The following CACFD1 variants were observed in gnomAD, a reference collection of about 807,000 sequenced individuals.
CACFD1 encodes calcium channel flower domain containing 1.
In CACFD1, 26 loss-of-function variants were observed where a neutral mutation model predicts 21.3. The ratio of observed to expected loss-of-function variants is 1.22; its 90% confidence interval spans 0.89 to 1.69. CACFD1 has a LOEUF of 1.69. Ranked by LOEUF, CACFD1 falls within the 40% of genes most tolerant of loss-of-function variation. The probability of loss-of-function intolerance (pLI) is 0.00; values close to 1 mark genes in which losing one functional copy is unlikely to be tolerated. For missense variants in CACFD1, 265 were observed against 236.2 expected, an observed-to-expected ratio of 1.12 and a Z score of -0.80; for synonymous variants, 121 against 106.6, an observed-to-expected ratio of 1.13 and a Z score of -0.83.
At chr9:133,460,459 A>AGGGCGGGGGGGCGGGGGGGCGGCGG (rs1410426460) in intron 1 of CACFD1, among the ~76,000 whole-genome samples, 2 of 69,824 alleles carry the variant, frequency 2.9e-5, no homozygotes, top group South Asian at 4.5e-4. Flanking sequence ...CAGAAACCCC[A>AGGGCGGGGGGGCGGGGGGGCGGCGG]GGGCGGGGGG....
intron 2 of CACFD1, among the ~76,000 whole-genome samples, chr9:133,464,542 C>T (rs915056156): frequency 6.6e-6 from 1 of 152,032 alleles, no homozygotes; most frequent in Non-Finnish European, 1.5e-5. Flanking sequence ...CTTAGGTGTC[C>T]TGAGCCTGCA....
chr9:133,460,877 C>T (rs1035974119), intron 1 of CACFD1, among the ~76,000 whole-genome samples: 2 of 152,200 alleles, frequency 1.3e-5, no homozygotes, highest in Non-Finnish European at 2.9e-5. Flanking sequence ...TCCTCCCCTT[C>T]TCCGCACGCA....
intron 3 of CACFD1, among the ~76,000 whole-genome samples, chr9:133,467,181 C>T (rs1216261285): frequency 6.6e-6 from 1 of 152,236 alleles, no homozygotes; most frequent in African/African-American, 2.4e-5. Flanking sequence ...GGCGACAGGA[C>T]AGAGCGCTGG....
rs916705557 is a variant in CACFD1, at chr9:133,469,213, C to G, written c.*560C>G. 1 of 153,408 alleles carries G rather than the reference C, an allele frequency of 6.5e-6. No individual in the cohort carries two copies. The highest frequency in any genetic ancestry group is 2.4e-5 in the African/African-American group (1 of 41,476). The allele number at this position is 153,408 out of a possible 1,614,324, so 9.5% of individuals were successfully genotyped here. On this transcript the variant is annotated 3_prime_UTR_variant, in exon 5 of 5. Transcript: ENST00000316948. ...GCACCCCGGTACCTGGAACTGCAGC[C>G]TTGGCAGTGACTGGACAGCTGGGTG... is the stretch of plus-strand genomic sequence containing the variant.
Position 133,465,418 on chromosome 9 carries a change from C to T in CACFD1, c.291C>T (p.Arg97=), listed in dbSNP as rs1843397203. The change falls in exon 3 of 5, where the codon CGC becomes CGT. Residue 97 remains arginine, a synonymous_variant. Transcript: ENST00000316948. This position sits in a 1 kb window ranked among gnomAD's most constrained non-coding sequence, Gnocchi z 5.0. ...TGGCGGAGAAGGTGGACCGGCTGCG[C>T]TCCTGGCAGAAGGCTGTCTTCTACT... is the stretch of plus-strand genomic sequence containing the variant. The part of the protein sequence containing the change: ...NTVAEKVDRL[R]SWQKAVFYCG... 1 of 1,613,392 alleles carries T rather than the reference C, an allele frequency of 6.2e-7. No homozygotes were observed. Among genetic ancestry groups the T allele is most frequent in the South Asian group, 1.1e-5 (1 of 91,022 alleles).
rs1554798194 is a variant in CACFD1, at chr9:133,460,471, C to CGGGGGGGCGGCGGG, written c.121+286_121+287insGGGGGCGGCGGGGG. On this transcript the variant is annotated intron_variant, in intron 1 of 4. Coordinates refer to ENST00000316948, the MANE Select transcript of CACFD1 (RefSeq NM_017586.5). ...GACCAGAAACCCCAGGGCGGGGGGG[C>CGGGGGGGCGGCGGG]GGCGGGGGCGGGGGTGGGGCACCGG... Among the ~76,000 whole-genome samples, 48 of 125,882 alleles carry CGGGGGGGCGGCGGG rather than the reference C, an allele frequency of 3.8e-4. 1 individual carries two copies. The highest frequency in any genetic ancestry group is 1.2e-3 in the African/African-American group (42 of 34,792). The allele number at this position is 125,882 out of a possible 152,430, so 82.6% of individuals were successfully genotyped here.
chr9:133,462,871 A>G (rs1843274955), intron 1 of CACFD1, among the ~76,000 whole-genome samples: 1 of 152,226 alleles, frequency 6.6e-6, no homozygotes, highest in African/African-American at 2.4e-5. Context: ...GCTCATGTGC[A>G]AGAGGAGAAA....
intron 1 of CACFD1, among the ~76,000 whole-genome samples, chr9:133,460,590 G>A (rs587697294): frequency 2.6e-5 from 4 of 151,332 alleles, no homozygotes; most frequent in East Asian, 1.9e-4. Context: ...CACCTGGCCC[G>A]TACTAAAGCG....
chr9:133,470,805 A>T lies in CACFD1; in HGVS notation c.*2152A>T, dbSNP rs999389706. ...CCTTCTGCCTTGGTGCCTGTGTGTG[A>T]GTGTGGAAGCCAGGCAGGAGCCGCT... On this transcript the variant is annotated 3_prime_UTR_variant, in exon 5 of 5. Coordinates refer to ENST00000316948, the MANE Select transcript of CACFD1 (RefSeq NM_017586.5). 2 of 152,244 alleles carry T rather than the reference A, an allele frequency of 1.3e-5. No individual in the cohort carries two copies. The highest frequency in any genetic ancestry group is 6.5e-5 in the Admixed American group (1 of 15,284). The allele number at this position is 152,244 out of a possible 1,614,324, so 9.4% of individuals were successfully genotyped here. A position where few individuals can be genotyped will look rare whatever the true frequency, so the allele number is the denominator to read the frequency against.
At chr9:133,463,112 G>C (rs1554798844) in intron 1 of CACFD1, among the ~76,000 whole-genome samples, 2 of 152,204 alleles carry the variant, frequency 1.3e-5, no homozygotes, top group African/African-American at 4.8e-5. Flanking sequence ...GGGGAGCACT[G>C]GCCTGAATCC....
chr9:133,468,563 G>T lies in CACFD1; in HGVS notation c.429G>T (p.Lys143Asn). 6.3e-7 allele frequency: 1 copy of T among 1,577,438 alleles called. No individual in the cohort carries two copies. The change falls in exon 5 of 5, where the codon AAG (lysine) becomes AAT (asparagine). Residue 143 changes from lysine (K) to asparagine (N), a missense_variant and splice_region_variant. By Grantham distance (94) the Lys-to-Asn change is moderately conservative (BLOSUM62 0). Coordinates refer to ENST00000316948, the MANE Select transcript of CACFD1 (RefSeq NM_017586.5). ...TGACGCTGCCTCTCTCTCTCCCCAG[G>T]GGCGATGCGATCTCCTATGCCAGGA... The part of the protein sequence containing the change: ...VLYGLSALGK[K>N]GDAISYARIQ...
In CACFD1 at chr9:133,468,990, T is replaced by C. The variant is rs144436977; in HGVS notation, c.*337T>C. The C allele has an allele frequency of 2.8e-6, 1 of 360,812 alleles. No individual in the cohort carries two copies. Among genetic ancestry groups the C allele is most frequent in the Non-Finnish European group, 5.0e-6 (1 of 200,804 alleles). 22.4% of individuals were successfully genotyped at this position (360,812 alleles called of 1,614,324 possible). A position where few individuals can be genotyped will look rare whatever the true frequency, so the allele number is the denominator to read the frequency against. ...TGGGAGCAGCTTCCCCTGGAGATGC[T>C]GGTCCTGGCTTGAGGGGAGGGGCAA... On this transcript the variant is annotated 3_prime_UTR_variant, in exon 5 of 5. Coordinates refer to ENST00000316948, the MANE Select transcript of CACFD1 (RefSeq NM_017586.5).
chr9:133,460,517 C>T (rs1588220903), intron 1 of CACFD1, among the ~76,000 whole-genome samples: 1 of 108,544 alleles, frequency 9.2e-6, no homozygotes, highest in East Asian at 2.4e-4. Context: ...GTGACTGAGC[C>T]CTCCCCCCGC....
Position 133,469,615 on chromosome 9 carries a change from A to T in CACFD1, c.*962A>T, listed in dbSNP as rs1843596103. 2.0e-5 allele frequency: 3 copies of T among 152,292 alleles called. No individual in the cohort carries two copies. Among genetic ancestry groups the T allele is most frequent in the African/African-American group, 7.2e-5 (3 of 41,430 alleles). 9.4% of individuals were successfully genotyped at this position (152,292 alleles called of 1,614,324 possible). ...AGCTGTCCCCACTGCCCTGGGTGCC[A>T]GGCTGTCCGGAGCCAGGCCTACCCA... On this transcript the variant is annotated 3_prime_UTR_variant, in exon 5 of 5. Coordinates refer to ENST00000316948, the MANE Select transcript of CACFD1 (RefSeq NM_017586.5).
chr9:133,468,395 T>G, intron 4 of CACFD1, 168 bp from the exon 5 acceptor site: 1 of 1,535,942 alleles, frequency 6.5e-7, no homozygotes, highest in Non-Finnish European at 8.7e-7. Flanking sequence ...GCCTGGGCCA[T>G]TCTCAGAGGG....
intron 1 of CACFD1, among the ~76,000 whole-genome samples, chr9:133,460,460 G>GGGCGGGGGGGCGGCGGGGGGGC (rs1276030752): frequency 2.2e-5 from 3 of 134,056 alleles, no homozygotes; most frequent in African/African-American, 7.9e-5. Context: ...AGAAACCCCA[G>GGGCGGGGGGGCGGCGGGGGGGC]GGCGGGGGGG....
rs1366329952 is a variant in CACFD1, at chr9:133,462,366, C to T, written c.122-1117C>T. ...AAGGCTGTGCTGAGGAGCAGTGCAA[C>T]GCTTGAGTCCTTTGTTTTAGAAGGA... is the stretch of plus-strand genomic sequence containing the variant. On this transcript the variant is annotated intron_variant, in intron 1 of 4. Coordinates refer to ENST00000316948, the MANE Select transcript of CACFD1 (RefSeq NM_017586.5). 9.8e-6 allele frequency: 11 copies of T among 1,126,128 alleles called. No individual in the cohort carries two copies. In the East Asian group the frequency reaches 1.8e-4, roughly 18 times the overall value. The allele number at this position is 1,126,128 out of a possible 1,614,324, so 69.8% of individuals were successfully genotyped here. A position where few individuals can be genotyped will look rare whatever the true frequency, so the allele number is the denominator to read the frequency against.
At position 133,465,397 on chromosome 9, in the gene CACFD1, G is replaced by A. The variant is rs75328268; in HGVS notation, c.270G>A (p.Ala90=). Reference sequence around the variant, plus strand: ...TCATCGAGTTTGCAAACACAGTGGCGGAGAAGGTGGACCGGCTGCGCTCCT... The same window carrying A: ...TCATCGAGTTTGCAAACACAGTGGCAGAGAAGGTGGACCGGCTGCGCTCCT... ...CQFIEFANTV[A]EKVDRLRSWQ... is the part of the protein sequence containing the mutation. The change falls in exon 3 of 5, where the codon GCG becomes GCA. Residue 90 remains alanine (A), a synonymous_variant. Coordinates refer to ENST00000316948, the MANE Select transcript of CACFD1 (RefSeq NM_017586.5). This position sits in a 1 kb window ranked among gnomAD's most constrained non-coding sequence, Gnocchi z 5.0. The A allele has an allele frequency of 3.1e-6, 5 of 1,613,824 alleles. No homozygotes were observed. Among genetic ancestry groups the A allele is most frequent in the African/African-American group, 1.3e-5 (1 of 74,910 alleles).
rs1554800807 is a variant in CACFD1 at position 133,470,208 on chromosome 9, TGTGTGTGTG to T, written c.*1556_*1564del. The stretch of plus-strand genomic sequence containing the variant: ...AAAGGGCTGTGTGTGTGTGTGTGTG[TGTGTGTGTG>T]TGTGTGTGTATGTATATGTGTGTGG... On this transcript the variant is annotated 3_prime_UTR_variant, in exon 5 of 5. Coordinates refer to ENST00000316948, the MANE Select transcript of CACFD1 (RefSeq NM_017586.5). 1.4e-5 allele frequency: 2 copies of T among 141,828 alleles called. No individual in the cohort carries two copies. Among genetic ancestry groups the T allele is most frequent in the Non-Finnish European group, 3.2e-5 (2 of 61,788 alleles). The allele number at this position is 141,828 out of a possible 1,614,324, so 8.8% of individuals were successfully genotyped here.
Sources: allele counts gnomAD v4.1 joint callset (sites outside exome capture counted in the v4.1 genomes callset), GRCh38; gene constraint gnomAD v4.1.1; non-coding constraint Gnocchi (gnomAD v3.1); transcripts MANE v1.5; gene names NCBI Gene and HGNC (gene_info 2026-07-23, HGNC 2026-07-21).